Variants in UBA52 observed in about 807,000 individuals in gnomAD.
UBA52 encodes ubiquitin A-52 residue ribosomal protein fusion product 1, also known as ubiquitin-ribosomal protein eL40 fusion protein.
In UBA52, 1 loss-of-function variant was observed where a neutral mutation model predicts 15.3. The observed-to-expected ratio is 0.07, with a 90% confidence interval of 0.02 to 0.31. UBA52 has a LOEUF of 0.31. UBA52 is among the 10% of genes least tolerant of loss of function. The pLI is 1.00. For missense variants in UBA52, 87 were observed against 168.0 expected, an observed-to-expected ratio of 0.52 and a Z score of 2.66; for synonymous variants, 50 against 58.3, an observed-to-expected ratio of 0.86 and a Z score of 0.65.
Position 18,575,180 on chromosome 19 carries a change from T to C in UBA52, c.*30T>C, listed in dbSNP as rs1322937691. 6.2e-7 allele frequency: 1 copy of C among 1,613,686 alleles called. No homozygotes were observed. Among genetic ancestry groups the C allele is most frequent in the Admixed American group, 1.7e-5 (1 of 60,000 alleles). Reference sequence around the variant, plus strand: ...GTTCTTTCCTTGAAGGGCAGCCTCCTGCCCAGGCCCCGTGGCCCTGGAGCC... The same window carrying C: ...GTTCTTTCCTTGAAGGGCAGCCTCCCGCCCAGGCCCCGTGGCCCTGGAGCC... On this transcript the variant is annotated 3_prime_UTR_variant, in exon 5 of 5. Transcript: ENST00000442744.
chr19:18,567,280 G>C, upstream of UBA52: 1 of 1,194,114 alleles, frequency 8.4e-7, no homozygotes, highest in South Asian at 1.3e-5. Flanking sequence ...AGACCAGGCT[G>C]TAATGGGCAG....
the UBA52 span, chr19:18,565,231 T>C: frequency 2.7e-6 from 1 of 370,226 alleles, no homozygotes; most frequent in South Asian, 9.3e-5. Flanking sequence ...CGAGACAGAG[T>C]TTTTTTTTTT....
At chr19:18,565,434 T>G in the UBA52 span, among the ~76,000 whole-genome samples, 2 of 152,252 alleles carry the variant, frequency 1.3e-5, no homozygotes, top group Admixed American at 6.5e-5. Flanking sequence ...TTTCACCGTG[T>G]TAGTAGTCAG....
the UBA52 span, among the ~76,000 whole-genome samples, chr19:18,564,317 G>C: frequency 8.4e-3 from 1,281 of 152,226 alleles, 17 homozygotes; most frequent in African/African-American, 0.029. Flanking sequence ...CCTGGGGCTA[G>C]TGGAATTAAA....
At chr19:18,565,379 A>G in the UBA52 span, among the ~76,000 whole-genome samples, 9 of 150,940 alleles carry the variant, frequency 6.0e-5, no homozygotes, top group African/African-American at 1.7e-4. Context: ...ACAGGTGCCT[A>G]CCACCACGCC....
chr19:18,568,058 G>A (rs1274067905), upstream of UBA52, among the ~76,000 whole-genome samples: 1 of 152,008 alleles, frequency 6.6e-6, no homozygotes, highest in African/African-American at 2.4e-5. Flanking sequence ...ACCTGAGGTC[G>A]GGAGTTCGAT....
Position 18,575,505 on chromosome 19 carries a change from C to T in UBA52, c.*355C>T, listed in dbSNP as rs1004220840. 1.5e-5 allele frequency: 5 copies of T among 340,492 alleles called. No individual in the cohort carries two copies. Among genetic ancestry groups the T allele is most frequent in the Non-Finnish European group, 2.8e-5 (5 of 177,618 alleles). The allele number at this position is 340,492 out of a possible 1,614,324, so 21.1% of individuals were successfully genotyped here. ...ATCCTGTCAGGCACTTTGAGGTGTC[C>T]CTCAGGCCTTGGCCCTGAAGTGTCT... is the stretch of plus-strand genomic sequence containing the variant. On this transcript the variant is annotated 3_prime_UTR_variant, in exon 5 of 5. Coordinates refer to ENST00000442744, the MANE Select transcript of UBA52 (RefSeq NM_001033930.3).
At chr19:18,568,542 G>A (rs377523014), upstream of UBA52, 71 of 1,613,900 alleles carry the variant, frequency 4.4e-5, no homozygotes, top group Admixed American at 3.0e-4. Flanking sequence ...CCTGAGCCCC[G>A]GCTTCGAGGA....
At chr19:18,573,111 C>A in intron 1 of UBA52, 182 bp from the exon 2 acceptor site, 1 of 1,187,398 alleles carries the variant, frequency 8.4e-7, no homozygotes, top group Non-Finnish European at 1.2e-6. Context: ...GACTACAGGC[C>A]AGGGTGTGTG....
chr19:18,568,181 C>T (rs1321713794), upstream of UBA52, among the ~76,000 whole-genome samples: 2 of 151,136 alleles, frequency 1.3e-5, no homozygotes, highest in East Asian at 1.9e-4. Flanking sequence ...GCAGAAGAAT[C>T]GCTTGAACCC....
chr19:18,570,507 C>CTTTTTTTTT (rs1555752289), upstream of UBA52, among the ~76,000 whole-genome samples: 1 of 44,786 alleles, frequency 2.2e-5, no homozygotes. Context: ...CGCCGTGGCA[C>CTTTTTTTTT]TTTTTTTTTT....
chr19:18,568,353 C>T, upstream of UBA52: 1 of 1,415,406 alleles, frequency 7.1e-7, no homozygotes, highest in Middle Eastern at 1.8e-4. Flanking sequence ...TCCTACATCA[C>T]AGAGCTTGGC....
At chr19:18,574,572 C>T (rs1040735977) in intron 3 of UBA52, among the ~76,000 whole-genome samples, 3 of 152,170 alleles carry the variant, frequency 2.0e-5, no homozygotes, top group African/African-American at 7.2e-5. Flanking sequence ...AGTGTCTGAC[C>T]TTGCCTGAAC....
chr19:18,574,750 G>A (rs948413961), intron 3 of UBA52, 120 bp from the exon 4 acceptor site: 49 of 1,266,698 alleles, frequency 3.9e-5, no homozygotes, highest in South Asian at 1.7e-4. Context: ...GGGGGATCCC[G>A]ACTTGGTGTC....
chr19:18,569,766 G>T (rs1975417641), upstream of UBA52, among the ~76,000 whole-genome samples: 1 of 151,854 alleles, frequency 6.6e-6, no homozygotes, highest in South Asian at 2.1e-4. Flanking sequence ...GGGCTTGGTG[G>T]CTCATGCCTG....
At chr19:18,573,582 T>C in intron 2 of UBA52, 80 bp from the exon 3 acceptor site, 1 of 1,476,790 alleles carries the variant, frequency 6.8e-7, no homozygotes, top group Non-Finnish European at 9.4e-7. Flanking sequence ...AAACTGGGGG[T>C]AGTGCTGGAG....
the UBA52 span, among the ~76,000 whole-genome samples, chr19:18,566,304 T>A: frequency 2.6e-5 from 4 of 151,416 alleles, no homozygotes; most frequent in African/African-American, 9.7e-5. Flanking sequence ...CAAAAAATAC[T>A]AAAAATACAA....
At chr19:18,566,176 C>T in the UBA52 span, among the ~76,000 whole-genome samples, 8 of 151,868 alleles carry the variant, frequency 5.3e-5, no homozygotes, top group Non-Finnish European at 1.0e-4. Flanking sequence ...TGCGGCTGGG[C>T]GAGGTGGCCC....
At position 18,575,395 on chromosome 19, in the gene UBA52, C is replaced by T. The variant is rs1308476795; in HGVS notation, c.*245C>T. ...ATTGGTCCCTGCCCTATGCCCCTGA[C>T]TCTGGATTTGTCATCTGTAAAACTG... On this transcript the variant is annotated 3_prime_UTR_variant, in exon 5 of 5. Coordinates refer to ENST00000442744, the MANE Select transcript of UBA52 (RefSeq NM_001033930.3). 1.2e-5 allele frequency: 6 copies of T among 518,526 alleles called. No homozygotes were observed. Among genetic ancestry groups the T allele is most frequent in the East Asian group, 6.8e-5 (2 of 29,234 alleles). 32.1% of individuals were successfully genotyped at this position (518,526 alleles called of 1,614,324 possible).
Sources: allele counts gnomAD v4.1 joint callset (sites outside exome capture counted in the v4.1 genomes callset), GRCh38; gene constraint gnomAD v4.1.1; transcripts MANE v1.5; gene names NCBI Gene and HGNC (gene_info 2026-07-23, HGNC 2026-07-21).